SLC24A2: variants seen among roughly 807,000 people sequenced by gnomAD.
The protein encoded by SLC24A2 is solute carrier family 24 member 2.
SLC24A2 carries 36 observed loss-of-function variants against 62.0 expected under a neutral mutation model. The ratio of observed to expected loss-of-function variants is 0.58; its 90% CI spans 0.44 to 0.77. The LOEUF (loss-of-function observed/expected upper bound fraction) is 0.77, where lower values mean the gene tolerates loss of function less well. SLC24A2 is among the 30% of genes least tolerant of loss of function. SLC24A2 has a pLI of 0.00. For missense variants in SLC24A2, 846 were observed against 817.9 expected (o/e 1.03, Z -0.42); for synonymous variants, 358 against 294.0 (o/e 1.22, Z -2.23).
At chr9:19,863,338 C>T in the SLC24A2 span, among the ~76,000 whole-genome samples, 1 of 152,040 alleles carries the variant, frequency 6.6e-6, no homozygotes, top group Non-Finnish European at 1.5e-5. Flanking sequence ...ATCTTCCAGA[C>T]AGAAAATCAA....
Position 19,689,264 on chromosome 9 carries a change from C to T in SLC24A2, c.931-66965G>A, listed in dbSNP as rs1393969556. Among the ~76,000 whole-genome samples, 6 of 152,034 alleles carry T rather than the reference C, an allele frequency of 3.9e-5. No individual in the cohort carries two copies. In the East Asian group the frequency reaches 5.8e-4, roughly 15 times the overall value. ...AGTGTAGTGGTTACACCAGGACTCC[C>T]GAAGAAGGAAAAAAAGAGCAAATAA... On this transcript the variant is annotated intron_variant, in intron 2 of 10. Coordinates refer to ENST00000341998, the MANE Select transcript of SLC24A2 (RefSeq NM_020344.4).
chr9:20,115,078 GA>G, the SLC24A2 span, among the ~76,000 whole-genome samples: 3 of 152,104 alleles, frequency 2.0e-5, no homozygotes, highest in Non-Finnish European at 2.9e-5. Flanking sequence ...AATTTTAGGG[GA>G]AATTAATGGG....
chr9:19,658,926 C>T (rs371371432), intron 2 of SLC24A2, among the ~76,000 whole-genome samples: 17 of 152,300 alleles, frequency 1.1e-4, no homozygotes, highest in Non-Finnish European at 1.9e-4. Context: ...CTTCACGCAA[C>T]GAACGTACAC....
the SLC24A2 span, among the ~76,000 whole-genome samples, chr9:20,052,057 A>C: frequency 6.6e-6 from 1 of 152,310 alleles, no homozygotes; most frequent in East Asian, 1.9e-4. Flanking sequence ...AATATGTATT[A>C]GCTATTATTA....
At chr9:19,666,441 T>A (rs1053640160) in intron 2 of SLC24A2, among the ~76,000 whole-genome samples, 1 of 152,150 alleles carries the variant, frequency 6.6e-6, no homozygotes, top group African/African-American at 2.4e-5. Flanking sequence ...GTAGAGAGGA[T>A]CTTGTTTTTA....
intron 9 of SLC24A2, among the ~76,000 whole-genome samples, chr9:19,525,431 T>A (rs914966089): frequency 7.2e-6 from 1 of 138,520 alleles, no homozygotes; most frequent in Non-Finnish European, 1.5e-5. Context: ...AAAGACAGGG[T>A]CTTACTCTGC....
intron 2 of SLC24A2, among the ~76,000 whole-genome samples, chr9:19,648,429 T>C (rs1187149582): frequency 1.3e-5 from 2 of 152,138 alleles, no homozygotes; most frequent in South Asian, 2.1e-4. Flanking sequence ...ATGGCACTTA[T>C]GGAGATACTT....
chr9:19,700,326 T>A (rs1406665435), intron 2 of SLC24A2, among the ~76,000 whole-genome samples: 1 of 152,156 alleles, frequency 6.6e-6, no homozygotes, highest in African/African-American at 2.4e-5. Context: ...GCTTTCTTCC[T>A]TTCTTAGGCT....
intron 2 of SLC24A2, among the ~76,000 whole-genome samples, chr9:19,641,882 T>A (rs1347522345): frequency 6.6e-6 from 1 of 152,178 alleles, no homozygotes; most frequent in African/African-American, 2.4e-5. Context: ...TTTCTTTTCT[T>A]CTCCTTTTCT....
the SLC24A2 span, among the ~76,000 whole-genome samples, chr9:20,051,651 C>CTCTTTTTTTTT: frequency 1.6e-5 from 1 of 63,650 alleles, no homozygotes; most frequent in African/African-American, 6.6e-5. Flanking sequence ...GAGGTTTTTT[C>CTCTTTTTTTTT]TTTCTCTTTT....
At chr9:20,133,547 C>T in the SLC24A2 span, among the ~76,000 whole-genome samples, 12 of 152,112 alleles carry the variant, frequency 7.9e-5, no homozygotes, top group Non-Finnish European at 2.9e-5. Context: ...TATGCAGTTT[C>T]TCTAAATTGT....
intron 10 of SLC24A2, among the ~76,000 whole-genome samples, chr9:19,518,610 C>T (rs1833049384): frequency 6.6e-6 from 1 of 152,012 alleles, no homozygotes; most frequent in Non-Finnish European, 1.5e-5. Flanking sequence ...TCAGTAGAGA[C>T]AGGTTTGCAC....
At chr9:20,268,315 G>A in the SLC24A2 span, among the ~76,000 whole-genome samples, 3 of 152,158 alleles carry the variant, frequency 2.0e-5, no homozygotes, top group Admixed American at 1.3e-4. Context: ...TGGTTTGAAT[G>A]TCTCCTCCGA....
chr9:19,535,009 C>T (rs930521834), intron 8 of SLC24A2, among the ~76,000 whole-genome samples: 13 of 152,200 alleles, frequency 8.5e-5, no homozygotes, highest in African/African-American at 3.1e-4. Flanking sequence ...ACCACATCCT[C>T]TCCAGCACCT....
the SLC24A2 span, among the ~76,000 whole-genome samples, chr9:20,178,764 T>C: frequency 6.6e-6 from 1 of 152,152 alleles, no homozygotes; most frequent in East Asian, 1.9e-4. Context: ...CTTCTAGGAT[T>C]CTTTTATATA....
the SLC24A2 span, among the ~76,000 whole-genome samples, chr9:20,170,796 T>C: frequency 6.6e-6 from 1 of 151,958 alleles, no homozygotes; most frequent in South Asian, 2.1e-4. Flanking sequence ...ACATATTTAG[T>C]GGAAGAATAG....
At chr9:19,750,321 C>G (rs1225007171) in intron 2 of SLC24A2, among the ~76,000 whole-genome samples, 7 of 151,896 alleles carry the variant, frequency 4.6e-5, no homozygotes, top group African/African-American at 7.3e-5. Flanking sequence ...AGTTCTTAAA[C>G]TCAACATGCT....
At chr9:19,871,124 T>C in the SLC24A2 span, among the ~76,000 whole-genome samples, 2 of 152,152 alleles carry the variant, frequency 1.3e-5, no homozygotes, top group Non-Finnish European at 1.5e-5. Context: ...GGCTTTTGAA[T>C]GATAGTTTTG....
the SLC24A2 span, among the ~76,000 whole-genome samples, chr9:19,974,418 C>G: frequency 6.6e-6 from 1 of 152,168 alleles, no homozygotes; most frequent in African/African-American, 2.4e-5. Context: ...TTGGCATTTC[C>G]TCAGTAATTG....
Sources: allele counts gnomAD v4.1 joint callset (sites outside exome capture counted in the v4.1 genomes callset), GRCh38; gene constraint gnomAD v4.1.1; transcripts MANE v1.5; gene names NCBI Gene and HGNC (gene_info 2026-07-23, HGNC 2026-07-21).